Variants in ACOT11 observed in about 807,000 individuals in gnomAD.
ACOT11 encodes the protein acyl-CoA thioesterase 11, also known as acyl-coenzyme A thioesterase 11.
A neutral mutation model predicts 77.5 loss-of-function variants in ACOT11; 69 were observed. The observed-to-expected ratio is 0.89, with a 90% confidence interval of 0.73 to 1.09. The LOEUF (loss-of-function observed/expected upper bound fraction) is 1.09, where lower values mean the gene tolerates loss of function less well. Among genes scored for constraint, ACOT11 ranks in the 50% least tolerant of loss-of-function variants. The pLI, the probability that ACOT11 is intolerant of heterozygous loss-of-function variation, is 0.00. For synonymous variants in ACOT11, 279 were observed against 313.0 expected (o/e 0.89, Z 1.15); for missense variants, 766 against 813.7 (o/e 0.94, Z 0.71).
chr1:54,588,296 G>C (rs993123267), intron 3 of ACOT11, among the ~76,000 whole-genome samples: 22 of 152,132 alleles, frequency 1.4e-4, no homozygotes, highest in Admixed American at 3.9e-4. Context: ...TACATTTGTA[G>C]GGTACCTTTG....
chr1:54,566,712 C>T (rs1389441182), intron 1 of ACOT11, among the ~76,000 whole-genome samples: 1 of 152,132 alleles, frequency 6.6e-6, no homozygotes, highest in Non-Finnish European at 1.5e-5. Flanking sequence ...GAACTGGGGG[C>T]TCCATGATGC....
rs761290500 is a variant in ACOT11, at chr1:54,604,348, G to A, written c.1155G>A (p.Val385=). ...GTAGCACCTGTGTACTCTTTCAGGTGTACCTGAGCTACAATAACGTCTCCT... is the reference window on the plus strand; with the variant it reads ...GTAGCACCTGTGTACTCTTTCAGGTATACCTGAGCTACAATAACGTCTCCT... ...LSVPWDPSNQ[V]YLSYNNVSSL... Residue 385 remains valine (V), a splice_region_variant and synonymous_variant, in exon 12 of 16, where the codon GTG becomes GTA. Coordinates refer to ENST00000343744, the MANE Select transcript of ACOT11 (RefSeq NM_147161.4). 3.7e-6 allele frequency: 6 copies of A among 1,613,778 alleles called. No individual in the cohort carries two copies. The highest frequency in any genetic ancestry group is 3.3e-5 in the South Asian group (3 of 91,068).
chr1:54,586,752 C>CTTTT (rs1557657426), intron 3 of ACOT11, among the ~76,000 whole-genome samples: 4 of 151,848 alleles, frequency 2.6e-5, no homozygotes, highest in East Asian at 3.9e-4. Context: ...TCTTTTCTTT[C>CTTTT]TTTTAATGGC....
intron 16 of ACOT11, among the ~76,000 whole-genome samples, chr1:54,632,215 A>AG (rs1358585732): frequency 6.6e-6 from 1 of 152,224 alleles, no homozygotes; most frequent in Non-Finnish European, 1.5e-5. Context: ...AAACGCCATG[A>AG]GGGGCCCGTC....
In ACOT11 at chr1:54,610,289, A is replaced by T; in HGVS notation, c.*1177A>T. 6.6e-7 allele frequency: 1 copy of T among 1,515,018 alleles called. No individual in the cohort carries two copies. Among genetic ancestry groups the T allele is most frequent in the South Asian group, 1.3e-5 (1 of 75,998 alleles). The allele number at this position is 1,515,018 out of a possible 1,614,324, so 93.8% of individuals were successfully genotyped here. ...TCCCCGCAACCCTGCCCCACCTTGC[A>T]TCCAGGGTATGGTGTAAATAAACCT... On this transcript the variant is annotated 3_prime_UTR_variant, in exon 16 of 16. Transcript: ENST00000343744.
chr1:54,611,204 C>T (rs1033991895), downstream of ACOT11, among the ~76,000 whole-genome samples: 4 of 152,076 alleles, frequency 2.6e-5, no homozygotes, highest in Non-Finnish European at 4.4e-5. Flanking sequence ...GAGGCCAAGG[C>T]GGGCGGATCA....
intron 1 of ACOT11, among the ~76,000 whole-genome samples, chr1:54,558,221 G>C (rs1223100977): frequency 6.6e-6 from 1 of 152,196 alleles, no homozygotes; most frequent in Non-Finnish European, 1.5e-5. Flanking sequence ...GCTAGTGCAG[G>C]AGAGATAGGG....
intron 10 of ACOT11, among the ~76,000 whole-genome samples, chr1:54,603,498 G>A (rs978877387): frequency 3.9e-5 from 6 of 152,164 alleles, no homozygotes; most frequent in Non-Finnish European, 8.8e-5. Context: ...AGCATTTACC[G>A]TGTGCCAAGC....
chr1:54,620,014 G>T, intron 15 of ACOT11: 2 of 1,613,504 alleles, frequency 1.2e-6, no homozygotes, highest in Non-Finnish European at 1.7e-6. Flanking sequence ...CAGCCTGGAA[G>T]GAATCCCAAG....
At chr1:54,611,505 C>G, downstream of ACOT11, 1 of 1,272,410 alleles carries the variant, frequency 7.9e-7, no homozygotes, top group Non-Finnish European at 1.1e-6. Context: ...CCGGCCTTCC[C>G]CCTTCTGATA....
At chr1:54,571,209 C>T (rs1300228375) in intron 1 of ACOT11, among the ~76,000 whole-genome samples, 1 of 152,102 alleles carries the variant, frequency 6.6e-6, no homozygotes, top group African/African-American at 2.4e-5. Context: ...GGTTATCTAG[C>T]CAGACAGTCT....
rs889604471 is a variant in ACOT11 at position 54,594,195 on chromosome 1, T to C, written c.471+156T>C. Among the ~76,000 whole-genome samples the C allele has an allele frequency of 4.7e-4, 72 of 152,100 alleles. 2 individuals are homozygous for C. The highest frequency in any genetic ancestry group is 3.3e-3 in the Admixed American group (50 of 15,284). On this transcript the variant is annotated intron_variant, in intron 5 of 15. Coordinates refer to ENST00000343744, the MANE Select transcript of ACOT11 (RefSeq NM_147161.4). The stretch of plus-strand genomic sequence containing the variant: ...CTCCCTGAGGAAGGCCCACCCCTCA[T>C]TGCATTGGAATCCCCCAGCCCCCTC...
chr1:54,574,541 C>T (rs1202247014), intron 1 of ACOT11, among the ~76,000 whole-genome samples: 1 of 152,208 alleles, frequency 6.6e-6, no homozygotes, highest in Non-Finnish European at 1.5e-5. Flanking sequence ...CCCTCCTTTG[C>T]ACCTCACAAC....
At chr1:54,581,605 G>T (rs1016875819) in intron 1 of ACOT11, among the ~76,000 whole-genome samples, 2 of 152,186 alleles carry the variant, frequency 1.3e-5, no homozygotes. Flanking sequence ...GGCCAGGTCT[G>T]CCAGGGCCTG....
intron 1 of ACOT11, among the ~76,000 whole-genome samples, chr1:54,576,025 A>T (rs1654102814): frequency 6.6e-6 from 1 of 152,214 alleles, no homozygotes; most frequent in Non-Finnish European, 1.5e-5. Context: ...GCAGCCAAAC[A>T]AGGAGGTGGG....
chr1:54,580,636 G>A (rs1035003016), intron 1 of ACOT11, among the ~76,000 whole-genome samples: 1 of 152,156 alleles, frequency 6.6e-6, no homozygotes, highest in Non-Finnish European at 1.5e-5. Flanking sequence ...CAGACCATTA[G>A]TCTTTTCCTT....
intron 12 of ACOT11, 124 bp from the exon 13 acceptor site, chr1:54,604,952 G>A: frequency 1.0e-6 from 1 of 999,192 alleles, no homozygotes; most frequent in Non-Finnish European, 1.5e-6. Flanking sequence ...CAGAGAGGTT[G>A]AGCTGCGTGT....
chr1:54,586,332 T>G (rs1407398883), intron 3 of ACOT11, among the ~76,000 whole-genome samples: 1 of 152,154 alleles, frequency 6.6e-6, no homozygotes, highest in African/African-American at 2.4e-5. Context: ...ACAAGGTGCC[T>G]TGGCAAAGTC....
intron 3 of ACOT11, among the ~76,000 whole-genome samples, chr1:54,589,061 G>A (rs12095558): frequency 6.6e-6 from 1 of 152,024 alleles, no homozygotes; most frequent in Non-Finnish European, 1.5e-5. Flanking sequence ...CTGTCTCCCA[G>A]GCCGGAGTGC....
Sources: allele counts gnomAD v4.1 joint callset (sites outside exome capture counted in the v4.1 genomes callset), GRCh38; gene constraint gnomAD v4.1.1; transcripts MANE v1.5; gene names NCBI Gene and HGNC (gene_info 2026-07-23, HGNC 2026-07-21).